The following PCDH15 variants were observed in gnomAD, a reference collection of about 807,000 sequenced individuals.
PCDH15 encodes protocadherin related 15.
A neutral mutation model predicts 178.5 loss-of-function variants in PCDH15; 129 were observed. The observed-to-expected ratio is 0.72, with a 90% CI of 0.63 to 0.84. PCDH15 has a LOEUF of 0.84. Among genes scored for constraint, PCDH15 ranks in the 40% least tolerant of loss-of-function variants. The pLI, the probability that PCDH15 is intolerant of heterozygous loss-of-function variation, is 0.00. For synonymous variants in PCDH15, 800 were observed against 732.0 expected (o/e 1.09, Z -1.50); for missense variants, 2,230 against 2,099.9 (o/e 1.06, Z -1.21).
intron 3 of PCDH15, among the ~76,000 whole-genome samples, chr10:54,493,836 C>G (rs1307465588): frequency 6.6e-6 from 1 of 151,906 alleles, no homozygotes; most frequent in African/African-American, 2.4e-5. Flanking sequence ...GGAACCAATC[C>G]AAATATCCAA....
intron 2 of PCDH15, among the ~76,000 whole-genome samples, chr10:55,414,771 GT>G (rs1230844912): frequency 9.2e-4 from 8 of 8,652 alleles, no homozygotes; most frequent in African/African-American, 4.7e-3. Flanking sequence ...CTAACAAGGG[GT>G]GTGTGTGTGT....
chr10:54,319,875 G>C (rs1852503597), intron 7 of PCDH15, among the ~76,000 whole-genome samples: 3 of 151,976 alleles, frequency 2.0e-5, no homozygotes, highest in Admixed American at 6.6e-5. Flanking sequence ...AACTTGTAAA[G>C]CAATGCTTGA....
rs1841155465 is a variant in PCDH15, at chr10:53,806,366, G to GAA, written c.*211_*212dup. ...ATGTTTAAACGATAGGTTATTTAGT[G>GAA]AAAGTATGTCCAAAAGGATTTTCTG... On this transcript the variant is annotated 3_prime_UTR_variant, in exon 38 of 38. Transcript: ENST00000644397. 3 of 498,654 alleles carry GAA rather than the reference G, an allele frequency of 6.0e-6. No individual in the cohort carries two copies. The South Asian group carries it at 1.1e-4, about 18-fold the overall frequency. The allele number at this position is 498,654 out of a possible 1,614,324, so 30.9% of individuals were successfully genotyped here. A position where few individuals can be genotyped will look rare whatever the true frequency, so the allele number is the denominator to read the frequency against.
chr10:54,983,123 C>G lies in PCDH15; in HGVS notation c.-79-85623G>C, dbSNP rs572920485. ...AACACAAACACTACCAATGAAAAGC[C>G]TATTCAAATACATGTTAAAACTAAT... is the stretch of plus-strand genomic sequence containing the variant. On this transcript the variant is annotated intron_variant, in intron 2 of 5. Transcript: ENST00000458638. Among the ~76,000 whole-genome samples, 4 of 152,186 alleles carry G rather than the reference C, an allele frequency of 2.6e-5. No individual in the cohort carries two copies. In the South Asian group the frequency reaches 8.3e-4, roughly 32 times the overall value.
rs181037837 is a variant in PCDH15 at position 55,325,204 on chromosome 10, A to G, written c.-155-158553T>C. ...TCAAACTAACAATGACACTCTTTAA[A>G]TAATGAGAAAAAATGATCTTAAAAT... On this transcript the variant is annotated intron_variant, in intron 2 of 5. Coordinates refer to the PCDH15 transcript ENST00000613346. Among the ~76,000 whole-genome samples, 161 of 152,280 alleles carry G rather than the reference A, an allele frequency of 1.1e-3. 2 individuals are homozygous for G. Among genetic ancestry groups the G allele is most frequent in the Middle Eastern group, 0.01 (3 of 294 alleles).
chr10:54,985,142 A>G (rs1839331115), intron 2 of PCDH15, among the ~76,000 whole-genome samples: 1 of 152,192 alleles, frequency 6.6e-6, no homozygotes, highest in African/African-American at 2.4e-5. Context: ...GGGCAATTTT[A>G]TATTCTTCAC....
intron 3 of PCDH15, among the ~76,000 whole-genome samples, chr10:54,399,312 G>A (rs1234259717): frequency 6.6e-6 from 1 of 151,682 alleles, no homozygotes; most frequent in East Asian, 1.9e-4. Context: ...ATAATATAAT[G>A]ATTAAAGATG....
chr10:55,450,949 T>A (rs1035124076), intron 2 of PCDH15, among the ~76,000 whole-genome samples: 3 of 69,266 alleles, frequency 4.3e-5, no homozygotes, highest in Admixed American at 1.9e-4. Flanking sequence ...GAAGAAGGGG[T>A]AAGAACTATA....
chr10:54,837,866 G>A (rs139187250), intron 3 of PCDH15, among the ~76,000 whole-genome samples: 1 of 152,172 alleles, frequency 6.6e-6, no homozygotes, highest in East Asian at 1.9e-4. Context: ...TGTAGTCCTG[G>A]CTACAGACCC....
intron 1 of PCDH15, among the ~76,000 whole-genome samples, chr10:54,780,593 C>T (rs529421334): frequency 5.9e-5 from 9 of 151,912 alleles, no homozygotes; most frequent in Non-Finnish European, 1.3e-4. Flanking sequence ...TTGAGACATT[C>T]TTGGAAACAT....
intron 1 of PCDH15, among the ~76,000 whole-genome samples, chr10:54,686,923 G>A (rs1008826526): frequency 4.1e-5 from 6 of 147,358 alleles, no homozygotes; most frequent in African/African-American, 1.5e-4. Flanking sequence ...TGAAACTCCT[G>A]TAACTCAATA....
At chr10:54,796,274 G>GTATCTATCTATC (rs1319257760) in intron 1 of PCDH15, among the ~76,000 whole-genome samples, 14 of 56,956 alleles carry the variant, frequency 2.5e-4, no homozygotes, top group Non-Finnish European at 4.2e-4. Flanking sequence ...ATCTATCTAT[G>GTATCTATCTATC]TATCTATGTA....
chr10:53,961,681 C>T, intron 22 of PCDH15, 71 bp downstream of exon 22: 1 of 1,165,784 alleles, frequency 8.6e-7, no homozygotes, highest in South Asian at 2.4e-5. Flanking sequence ...AATGTGCTGT[C>T]ATCTGTTAAG....
chr10:54,161,229 T>C (rs552886797), intron 13 of PCDH15, among the ~76,000 whole-genome samples: 1 of 152,176 alleles, frequency 6.6e-6, no homozygotes, highest in Admixed American at 6.6e-5. Flanking sequence ...ATATATAGCA[T>C]TGATTCATGC....
chr10:54,742,511 G>C (rs142192019), intron 1 of PCDH15, among the ~76,000 whole-genome samples: 27 of 151,944 alleles, frequency 1.8e-4, no homozygotes, highest in African/African-American at 5.5e-4. Flanking sequence ...AATGTAGATC[G>C]TTGAATGTTG....
chr10:53,939,951 C>T (rs564518696), intron 24 of PCDH15, among the ~76,000 whole-genome samples: 6 of 152,076 alleles, frequency 3.9e-5, no homozygotes, highest in East Asian at 1.9e-4. Context: ...AGGGAGGACA[C>T]ATAGTAGCAC....
intron 1 of PCDH15, among the ~76,000 whole-genome samples, chr10:54,796,843 T>C (rs928608109): frequency 6.6e-6 from 1 of 152,058 alleles, no homozygotes; most frequent in Non-Finnish European, 1.5e-5. Flanking sequence ...CATCCAGTTT[T>C]AATGACCCTT....
intron 8 of PCDH15, among the ~76,000 whole-genome samples, chr10:54,297,655 G>A (rs1311230677): frequency 6.6e-6 from 1 of 152,124 alleles, no homozygotes; most frequent in Non-Finnish European, 1.5e-5. Context: ...AAATCCCCCA[G>A]GCTATTGGTT....
intron 8 of PCDH15, among the ~76,000 whole-genome samples, chr10:54,307,967 A>C (rs559479654): frequency 2.0e-5 from 3 of 152,188 alleles, no homozygotes; most frequent in Admixed American, 6.6e-5. Context: ...GCTGGTAACT[A>C]GTTAAGCATG....
Sources: gnomAD v4.1 joint callset for allele counts (sites outside exome capture counted in the v4.1 genomes callset) on GRCh38, gnomAD v4.1.1 for gene constraint, MANE v1.5 for transcripts, NCBI Gene and HGNC (gene_info 2026-07-23, HGNC 2026-07-21) for gene names.